Variants in TRAPPC9 observed in about 807,000 individuals in gnomAD.
TRAPPC9 encodes the protein trafficking protein particle complex subunit 9, also known as IKK2 binding protein.
In TRAPPC9, 83 loss-of-function variants were observed where a neutral mutation model predicts 124.0. The ratio of observed to expected loss-of-function variants is 0.67; its 90% confidence interval spans 0.56 to 0.80. The LOEUF (loss-of-function observed/expected upper bound fraction) is 0.80. TRAPPC9 is among the 30% of genes least tolerant of loss of function. The pLI is 0.00. For missense variants in TRAPPC9, 1,302 were observed against 1,508.3 expected (o/e 0.86, Z 2.27); for synonymous variants, 638 against 617.5 (o/e 1.03, Z -0.49).
chr8:140,369,392 T>A (rs1430145577), intron 8 of TRAPPC9, among the ~76,000 whole-genome samples: 1 of 152,156 alleles, frequency 6.6e-6, no homozygotes, highest in African/African-American at 2.4e-5. Context: ...TCCTTTGCCA[T>A]CGCATCACTC....
At chr8:139,738,496 A>C (rs901228562) in intron 21 of TRAPPC9, among the ~76,000 whole-genome samples, 10 of 152,170 alleles carry the variant, frequency 6.6e-5, no homozygotes, top group African/African-American at 2.4e-4. Flanking sequence ...AGTCCTTACA[A>C]GGCAAGAAGG....
chr8:140,189,893 G>A (rs2062445363), intron 17 of TRAPPC9, among the ~76,000 whole-genome samples: 2 of 152,162 alleles, frequency 1.3e-5, no homozygotes, highest in African/African-American at 2.4e-5. Context: ...CTCAGCAGCA[G>A]CCACATATGC....
intron 17 of TRAPPC9, among the ~76,000 whole-genome samples, chr8:140,126,466 C>T (rs1268198153): frequency 1.3e-5 from 2 of 152,092 alleles, no homozygotes. Context: ...TCGAACACCC[C>T]GTCACGAGAA....
At chr8:140,390,713 T>C (rs1285153502) in intron 7 of TRAPPC9, among the ~76,000 whole-genome samples, 1 of 152,214 alleles carries the variant, frequency 6.6e-6, no homozygotes, top group Non-Finnish European at 1.5e-5. Context: ...TATATGCCTC[T>C]TACTCTCTCC....
intron 11 of TRAPPC9, among the ~76,000 whole-genome samples, chr8:140,292,781 A>T (rs7819798): frequency 0.28 from 41,335 of 145,752 alleles, 5,923 homozygotes; most frequent in Middle Eastern, 0.4. Flanking sequence ...AACCTAGGCA[A>T]TACCATTCAG....
chr8:139,742,388 G>A lies in TRAPPC9; in HGVS notation c.3056-10186C>T, dbSNP rs550610325. Among the ~76,000 whole-genome samples, 5 of 152,294 alleles carry A rather than the reference G, an allele frequency of 3.3e-5. No individual in the cohort carries two copies. The East Asian group carries it at 9.7e-4, about 29-fold the overall frequency. The stretch of plus-strand genomic sequence containing the variant: ...TCCTCTTTGCTTGCAACGTCCATAA[G>A]CCATGAGAACCCTCCAGAACTCCAA... On this transcript the variant is annotated intron_variant, in intron 21 of 22. Coordinates refer to ENST00000438773, the MANE Select transcript of TRAPPC9 (RefSeq NM_001160372.4). The surrounding 1 kb of genome is among the most constrained non-coding windows in gnomAD (Gnocchi z 4.7).
chr8:140,181,539 C>T (rs2131011215), intron 17 of TRAPPC9, among the ~76,000 whole-genome samples: 1 of 152,302 alleles, frequency 6.6e-6, no homozygotes, highest in African/African-American at 2.4e-5. Flanking sequence ...GATCCACCCA[C>T]CTCGGCCTCC....
chr8:139,941,311 A>C (rs1199060039), intron 19 of TRAPPC9, among the ~76,000 whole-genome samples: 2 of 152,208 alleles, frequency 1.3e-5, no homozygotes, highest in African/African-American at 2.4e-5. Context: ...GTCAGAGCAG[A>C]AGTAGTTTGT....
rs1837129301 is a variant in TRAPPC9 at position 139,984,653 on chromosome 8, A to T, written c.2810+4073T>A. On this transcript the variant is annotated intron_variant, in intron 19 of 22. Coordinates refer to ENST00000438773, the MANE Select transcript of TRAPPC9 (RefSeq NM_001160372.4). This position sits in a 1 kb window ranked among gnomAD's most constrained non-coding sequence, Gnocchi z 4.3. Reference sequence around the variant, plus strand: ...AGCCATTTCCACTTCCTCCACCTGCACTGCTCTGCACAACCCCTCCACGGA... The same window carrying T: ...AGCCATTTCCACTTCCTCCACCTGCTCTGCTCTGCACAACCCCTCCACGGA... Among the ~76,000 whole-genome samples, 1 of 152,150 alleles carries T rather than the reference A, an allele frequency of 6.6e-6. No homozygotes were observed. Among genetic ancestry groups the T allele is most frequent in the Admixed American group, 6.5e-5 (1 of 15,270 alleles).
intron 21 of TRAPPC9, among the ~76,000 whole-genome samples, chr8:139,831,500 C>A (rs1283098715): frequency 6.6e-6 from 1 of 152,200 alleles, no homozygotes; most frequent in Non-Finnish European, 1.5e-5. Context: ...TGCATAAACA[C>A]ACACAAATCA....
chr8:139,913,018 C>T (rs1049753334), intron 19 of TRAPPC9, among the ~76,000 whole-genome samples: 6 of 152,210 alleles, frequency 3.9e-5, no homozygotes, highest in African/African-American at 9.6e-5. Flanking sequence ...ACAACAGTAC[C>T]AGGTTCTCTT....
rs1016592793 is a variant in TRAPPC9 at position 140,130,455 on chromosome 8, G to C, written c.2556+91004C>G. Among the ~76,000 whole-genome samples the C allele has an allele frequency of 3.3e-5, 5 of 152,076 alleles. No homozygotes were observed. The East Asian group carries it at 9.6e-4, about 29-fold the overall frequency. On this transcript the variant is annotated intron_variant, in intron 17 of 22. Transcript: ENST00000438773. ...GTCCAAATTACAGAACCTGACTCTT[G>C]TCATGAGGTAGCATCAAAGCCAACT...
At chr8:140,296,878 A>G (rs1053595167) in intron 11 of TRAPPC9, among the ~76,000 whole-genome samples, 3 of 152,324 alleles carry the variant, frequency 2.0e-5, no homozygotes, top group Admixed American at 1.3e-4. Flanking sequence ...ACCAACCCCA[A>G]TGAGAACACA....
rs956511658 is a variant in TRAPPC9 at position 139,834,529 on chromosome 8, C to T, written c.3055+51350G>A. On this transcript the variant is annotated intron_variant, in intron 21 of 22. Coordinates refer to ENST00000438773, the MANE Select transcript of TRAPPC9 (RefSeq NM_001160372.4). ...CTCCACCGCCAGCAGGCAGGCGGAA[C>T]GTGGCGTCTGGCGAATGGCAGGGAA... 3.7e-4 allele frequency among the ~76,000 whole-genome samples: 56 copies of T among 152,376 alleles called. 1 individual carries two copies. The highest frequency in any genetic ancestry group is 1.3e-3 in the African/African-American group (52 of 41,592).
chr8:140,102,382 G>C (rs1158623200), intron 17 of TRAPPC9, among the ~76,000 whole-genome samples: 2 of 152,138 alleles, frequency 1.3e-5, no homozygotes, highest in Non-Finnish European at 2.9e-5. Context: ...CAGAGAAATT[G>C]AAATTCTTAT....
chr8:139,872,239 G>T (rs1265489044), intron 21 of TRAPPC9, among the ~76,000 whole-genome samples: 1 of 151,844 alleles, frequency 6.6e-6, no homozygotes, highest in Non-Finnish European at 1.5e-5. Context: ...TGGATGGGTT[G>T]GTGTGTAAAT....
intron 19 of TRAPPC9, among the ~76,000 whole-genome samples, chr8:139,947,924 C>CGAGAGAGAGAGAGAGAGA (rs59675753): frequency 9.6e-5 from 8 of 83,486 alleles, no homozygotes; most frequent in African/African-American, 3.6e-4. Context: ...AGAGAGAGAG[C>CGAGAGAGAGAGAGAGAGA]GAGAGAGAGA....
At chr8:140,173,053 A>C (rs1338345156) in intron 17 of TRAPPC9, among the ~76,000 whole-genome samples, 1 of 152,204 alleles carries the variant, frequency 6.6e-6, no homozygotes, top group Non-Finnish European at 1.5e-5. Flanking sequence ...GGAGACAGAC[A>C]CTGAGAAGAT....
intron 18 of TRAPPC9, among the ~76,000 whole-genome samples, chr8:140,019,196 A>C (rs942021852): frequency 6.6e-6 from 1 of 152,070 alleles, no homozygotes; most frequent in African/African-American, 2.4e-5. Flanking sequence ...TATATCACTG[A>C]AGTTGATTTG....
Sources: gnomAD v4.1 joint callset for allele counts (sites outside exome capture counted in the v4.1 genomes callset) on GRCh38, gnomAD v4.1.1 for gene constraint, Gnocchi (gnomAD v3.1) non-coding constraint, MANE v1.5 for transcripts, NCBI Gene and HGNC (gene_info 2026-07-23, HGNC 2026-07-21) for gene names.